Variants in FSTL4 observed in about 807,000 individuals in gnomAD.
The protein encoded by FSTL4 is follistatin-related protein 4.
Under a neutral mutation model 78.2 loss-of-function variants are expected in FSTL4, and 28 were observed. The observed-to-expected ratio is 0.36, with a 90% CI of 0.27 to 0.49. The LOEUF is 0.49. Among genes scored for constraint, FSTL4 ranks in the 20% least tolerant of loss-of-function variants. The pLI is 0.98. For missense variants in FSTL4, 922 were observed against 1,084.9 expected (o/e 0.85, Z 2.11); for synonymous variants, 422 against 440.5 (o/e 0.96, Z 0.53).
chr5:133,621,798 A>G, the FSTL4 span, among the ~76,000 whole-genome samples: 2 of 152,214 alleles, frequency 1.3e-5, no homozygotes, highest in Non-Finnish European at 2.9e-5. Context: ...AAGAAAACCA[A>G]TATATCACTT....
At chr5:133,354,196 A>G (rs537735615) in intron 4 of FSTL4, among the ~76,000 whole-genome samples, 1 of 152,136 alleles carries the variant, frequency 6.6e-6, no homozygotes, top group African/African-American at 2.4e-5. Flanking sequence ...AAGCACAGGG[A>G]GTTGATGATG....
the FSTL4 span, among the ~76,000 whole-genome samples, chr5:133,779,133 A>T: frequency 6.6e-6 from 1 of 152,146 alleles, no homozygotes. Flanking sequence ...ATTGTCAATC[A>T]TCTACCAATC....
chr5:133,750,645 G>A, the FSTL4 span, among the ~76,000 whole-genome samples: 1 of 152,130 alleles, frequency 6.6e-6, no homozygotes, highest in African/African-American at 2.4e-5. Flanking sequence ...CACCTCCAGG[G>A]GCCCAAAGGA....
At chr5:133,456,326 C>T (rs535728204) in intron 3 of FSTL4, among the ~76,000 whole-genome samples, 2 of 152,350 alleles carry the variant, frequency 1.3e-5, no homozygotes, top group East Asian at 1.9e-4. Flanking sequence ...GGGCCATGCT[C>T]GGACTGGACG....
the FSTL4 span, among the ~76,000 whole-genome samples, chr5:133,810,687 T>C: frequency 6.6e-6 from 1 of 152,134 alleles, no homozygotes; most frequent in African/African-American, 2.4e-5. Context: ...GCCCAAAGAT[T>C]CGTTGGACCA....
At chr5:133,473,605 AT>A (rs935801179) in intron 3 of FSTL4, among the ~76,000 whole-genome samples, 1 of 152,204 alleles carries the variant, frequency 6.6e-6, no homozygotes, top group Non-Finnish European at 1.5e-5. Context: ...AGTCTTCCAC[AT>A]TTGGAATCTC....
At chr5:133,810,223 C>T in the FSTL4 span, among the ~76,000 whole-genome samples, 1 of 152,230 alleles carries the variant, frequency 6.6e-6, no homozygotes, top group African/African-American at 2.4e-5. Flanking sequence ...ACTAGGGTTG[C>T]CCCTCTTACA....
At chr5:133,662,294 T>C in the FSTL4 span, among the ~76,000 whole-genome samples, 1 of 152,254 alleles carries the variant, frequency 6.6e-6, no homozygotes, top group African/African-American at 2.4e-5. Context: ...TCCTCAATTT[T>C]TACATATTTT....
chr5:133,347,590 C>T (rs551851605), intron 4 of FSTL4, among the ~76,000 whole-genome samples: 1 of 152,248 alleles, frequency 6.6e-6, no homozygotes, highest in East Asian at 1.9e-4. Context: ...AATTTCTGAC[C>T]TCAAGTGATC....
chr5:133,285,697 C>G (rs1753111880), intron 6 of FSTL4, among the ~76,000 whole-genome samples: 1 of 152,186 alleles, frequency 6.6e-6, no homozygotes, highest in African/African-American at 2.4e-5. Flanking sequence ...GTCAGTCACA[C>G]AAAACTCCCT....
rs1561686376 is a variant in FSTL4, at chr5:133,361,146, A to T, written c.409+39592T>A. Among the ~76,000 whole-genome samples the T allele has an allele frequency of 6.6e-6, 1 of 152,202 alleles. No homozygotes were observed. On this transcript the variant is annotated intron_variant, in intron 4 of 15. Transcript: ENST00000265342. The surrounding 1 kb of genome is among the most constrained non-coding windows in gnomAD (Gnocchi z 4.3). The stretch of plus-strand genomic sequence containing the variant: ...TTTCTGAGCCCTTGAAGCCGAGAGC[A>T]AGTCTGAAACATGATTCCCGACCTC...
chr5:133,822,320 T>G, the FSTL4 span, among the ~76,000 whole-genome samples: 1 of 152,208 alleles, frequency 6.6e-6, no homozygotes, highest in African/African-American at 2.4e-5. Context: ...GACCTCAATT[T>G]ATATGCAGCA....
chr5:133,792,242 C>A, the FSTL4 span, among the ~76,000 whole-genome samples: 1 of 152,164 alleles, frequency 6.6e-6, no homozygotes, highest in Admixed American at 6.5e-5. Flanking sequence ...ACCCCAGGCC[C>A]CATTAGGACT....
Position 133,361,694 on chromosome 5 carries a change from C to CA in FSTL4, c.409+39043dup, listed in dbSNP as rs2126935078. On this transcript the variant is annotated intron_variant, in intron 4 of 15. Transcript: ENST00000265342. The surrounding 1 kb of genome is among the most constrained non-coding windows in gnomAD (Gnocchi z 4.3). ...TCCTGACAAGTTTCTCCCTCTAAGA[C>CA]AGTGGTTCTAAGTGGGGCAGAACTG... Among the ~76,000 whole-genome samples, 1 of 152,330 alleles carries CA rather than the reference C, an allele frequency of 6.6e-6. No individual in the cohort carries two copies. The highest frequency in any genetic ancestry group is 2.1e-4 in the South Asian group (1 of 4,832).
At chr5:133,384,709 T>G (rs114682015) in intron 4 of FSTL4, among the ~76,000 whole-genome samples, 2 of 152,306 alleles carry the variant, frequency 1.3e-5, no homozygotes, top group Non-Finnish European at 2.9e-5. Flanking sequence ...CAGGTGATCT[T>G]TCTGAACACC....
the FSTL4 span, among the ~76,000 whole-genome samples, chr5:133,736,034 T>C: frequency 6.6e-6 from 1 of 152,192 alleles, no homozygotes; most frequent in Non-Finnish European, 1.5e-5. Context: ...GCATGGATGC[T>C]ATCAGGTGAC....
the FSTL4 span, among the ~76,000 whole-genome samples, chr5:133,738,598 G>A: frequency 6.6e-6 from 1 of 152,146 alleles, no homozygotes; most frequent in Non-Finnish European, 1.5e-5. Context: ...AAGAACTTCT[G>A]TGGCCTCTCT....
At chr5:133,264,506 C>A (rs570770452) in intron 6 of FSTL4, among the ~76,000 whole-genome samples, 143 of 152,296 alleles carry the variant, frequency 9.4e-4, no homozygotes, top group Non-Finnish European at 2.0e-3. Context: ...GGGGGGCTCA[C>A]CTGCCGTTCC....
chr5:133,838,559 G>T, the FSTL4 span, among the ~76,000 whole-genome samples: 2 of 152,158 alleles, frequency 1.3e-5, no homozygotes, highest in African/African-American at 2.4e-5. Context: ...CGCATGTCTG[G>T]TACCCAGTCT....
Sources: gnomAD v4.1 joint callset for allele counts (sites outside exome capture counted in the v4.1 genomes callset) on GRCh38, gnomAD v4.1.1 for gene constraint, Gnocchi (gnomAD v3.1) non-coding constraint, MANE v1.5 for transcripts, NCBI Gene and HGNC (gene_info 2026-07-23, HGNC 2026-07-21) for gene names.